REC114: variants seen among roughly 807,000 people sequenced by gnomAD.
REC114 encodes meiotic recombination protein REC114.
A neutral mutation model predicts 31.3 loss-of-function variants in REC114; 27 were observed. That is an observed-to-expected ratio of 0.86 (90% CI 0.64 to 1.19). The LOEUF (loss-of-function observed/expected upper bound fraction) is 1.19. Among genes scored for constraint, REC114 ranks in the 50% most tolerant of loss-of-function variants. REC114 has a pLI of 0.00. For missense variants in REC114, 344 were observed against 326.9 expected, an observed-to-expected ratio of 1.05 and a Z score of -0.40; for synonymous variants, 134 against 127.7, an observed-to-expected ratio of 1.05 and a Z score of -0.33.
chr15:73,547,144 C>T (rs533674328), intron 3 of REC114, among the ~76,000 whole-genome samples: 1 of 152,034 alleles, frequency 6.6e-6, no homozygotes, highest in South Asian at 2.1e-4. Context: ...TTGCAAACTA[C>T]CCATATAACA....
At chr15:73,487,139 A>G (rs1408773668) in intron 2 of REC114, among the ~76,000 whole-genome samples, 1 of 152,138 alleles carries the variant, frequency 6.6e-6, no homozygotes, top group Non-Finnish European at 1.5e-5. Context: ...GTATACTATC[A>G]TATTGGCAAT....
intron 2 of REC114, among the ~76,000 whole-genome samples, chr15:73,510,934 G>A (rs1297744974): frequency 6.6e-6 from 1 of 152,188 alleles, no homozygotes; most frequent in Non-Finnish European, 1.5e-5. Flanking sequence ...CCCGGCTTTG[G>A]TATCAGGATG....
chr15:73,476,151 C>T (rs1893210991), intron 2 of REC114, among the ~76,000 whole-genome samples: 1 of 152,128 alleles, frequency 6.6e-6, no homozygotes, highest in Non-Finnish European at 1.5e-5. Flanking sequence ...TTTCTTAGAA[C>T]ATATCCTCAT....
intron 2 of REC114, among the ~76,000 whole-genome samples, chr15:73,503,594 C>G (rs898601313): frequency 6.6e-6 from 1 of 152,036 alleles, no homozygotes; most frequent in African/African-American, 2.4e-5. Flanking sequence ...TCTCTACTTT[C>G]ATACATGCTT....
chr15:73,518,317 G>T (rs1893889494), intron 2 of REC114, among the ~76,000 whole-genome samples: 2 of 152,122 alleles, frequency 1.3e-5, no homozygotes, highest in South Asian at 4.2e-4. Flanking sequence ...TGAGTCAGGG[G>T]CTTAACCAAT....
chr15:73,447,531 G>A (rs944378923), intron 1 of REC114, among the ~76,000 whole-genome samples: 1 of 151,796 alleles, frequency 6.6e-6, no homozygotes, highest in Non-Finnish European at 1.5e-5. Flanking sequence ...GGTGAAACCC[G>A]AGGCTACTTG....
chr15:73,515,276 T>C (rs908792101), intron 2 of REC114, among the ~76,000 whole-genome samples: 1 of 152,194 alleles, frequency 6.6e-6, no homozygotes, highest in Admixed American at 6.5e-5. Context: ...AAATAACTTA[T>C]TGTATTATCT....
chr15:73,467,990 C>T (rs1408299829), intron 1 of REC114, among the ~76,000 whole-genome samples: 2 of 152,000 alleles, frequency 1.3e-5, no homozygotes, highest in East Asian at 1.9e-4. Flanking sequence ...AATCACATTC[C>T]TTCTGACTCT....
chr15:73,513,328 T>G (rs1316142954), intron 2 of REC114, among the ~76,000 whole-genome samples: 2 of 151,674 alleles, frequency 1.3e-5, no homozygotes, highest in Non-Finnish European at 2.9e-5. Context: ...GTATTGGTTA[T>G]TCTAGTTATA....
At chr15:73,455,718 A>G (rs1000569173) in intron 1 of REC114, among the ~76,000 whole-genome samples, 1 of 152,186 alleles carries the variant, frequency 6.6e-6, no homozygotes, top group South Asian at 2.1e-4. Context: ...AGATAAACAC[A>G]ATTCGGAAGC....
intron 5 of REC114, among the ~76,000 whole-genome samples, chr15:73,559,376 GAAGATGA>G (rs1894534144): frequency 6.6e-6 from 1 of 152,184 alleles, no homozygotes; most frequent in South Asian, 2.1e-4. Flanking sequence ...ATGCTGTGGC[GAAGATGA>G]ACTGAGCTAG....
intron 2 of REC114, among the ~76,000 whole-genome samples, chr15:73,534,070 C>T (rs1379534926): frequency 2.2e-5 from 3 of 133,778 alleles, no homozygotes; most frequent in African/African-American, 8.6e-5. Flanking sequence ...CACTAAATGC[C>T]CACAAGAGAA....
At chr15:73,467,032 G>A (rs1043935473) in intron 1 of REC114, among the ~76,000 whole-genome samples, 9 of 152,212 alleles carry the variant, frequency 5.9e-5, no homozygotes, top group African/African-American at 1.7e-4. Context: ...CTGGTGCACT[G>A]CTTTTGAAAC....
At chr15:73,511,058 GA>G (rs1893757393) in intron 2 of REC114, among the ~76,000 whole-genome samples, 1 of 150,982 alleles carries the variant, frequency 6.6e-6, no homozygotes, top group South Asian at 2.1e-4. Context: ...ATTCGGCTGT[GA>G]ATCCATCTGG....
chr15:73,489,958 T>G (rs193254750), intron 2 of REC114, among the ~76,000 whole-genome samples: 2 of 152,294 alleles, frequency 1.3e-5, no homozygotes, highest in Admixed American at 1.3e-4. Context: ...ATTGTAAATG[T>G]GGAATCTTTT....
intron 2 of REC114, among the ~76,000 whole-genome samples, chr15:73,488,218 C>A (rs1386518174): frequency 2.0e-5 from 3 of 152,208 alleles, no homozygotes; most frequent in East Asian, 3.8e-4. Flanking sequence ...GGTGTGGTAG[C>A]CTCAAAGTTC....
intron 3 of REC114, among the ~76,000 whole-genome samples, chr15:73,541,582 C>G (rs1165722213): frequency 1.3e-5 from 2 of 152,082 alleles, no homozygotes; most frequent in Non-Finnish European, 2.9e-5. Flanking sequence ...AGAAGGGGTC[C>G]ACTGGCTTAC....
intron 4 of REC114, 58 bp from the exon 5 acceptor site, chr15:73,556,244 C>A (rs1014276171): frequency 7.0e-7 from 1 of 1,426,752 alleles, no homozygotes; most frequent in Non-Finnish European, 9.8e-7. Context: ...CTTTAATGGC[C>A]TTTGGTATTT....
At chr15:73,555,842 TCCC>T (rs1333487638) in intron 4 of REC114, among the ~76,000 whole-genome samples, 3 of 152,156 alleles carry the variant, frequency 2.0e-5, no homozygotes, top group Non-Finnish European at 2.9e-5. Flanking sequence ...TATAGGAGTT[TCCC>T]CCCATTTTGC....
Sources: gnomAD v4.1 joint callset for allele counts (sites outside exome capture counted in the v4.1 genomes callset) on GRCh38, gnomAD v4.1.1 for gene constraint, MANE v1.5 for transcripts, NCBI Gene and HGNC (gene_info 2026-07-23, HGNC 2026-07-21) for gene names.